RGS17: variants seen among roughly 807,000 people sequenced by gnomAD.
RGS17 encodes the protein regulator of G-protein signaling 17.
A neutral mutation model predicts 25.5 loss-of-function variants in RGS17; 12 were observed. That is an observed-to-expected ratio of 0.47 (90% confidence interval 0.30 to 0.76). The LOEUF (loss-of-function observed/expected upper bound fraction) is 0.76, where lower values mean the gene tolerates loss of function less well. Among genes scored for constraint, RGS17 ranks in the 30% least tolerant of loss-of-function variants. The pLI, the probability that RGS17 is intolerant of heterozygous loss-of-function variation, is 0.07. For missense variants in RGS17, 196 were observed against 242.2 expected, an observed-to-expected ratio of 0.81 and a Z score of 1.27; for synonymous variants, 71 against 76.9, an observed-to-expected ratio of 0.92 and a Z score of 0.40.
Position 153,059,943 on chromosome 6 carries a change from A to G in RGS17, c.-25-15900T>C, listed in dbSNP as rs535452859. ...TCCACCATCTGGGAGGTTGTTAGAA[A>G]TGAGGATCTCAAGCCCCACTTGAGG... is the stretch of plus-strand genomic sequence containing the variant. On this transcript the variant is annotated intron_variant, in intron 1 of 4. Coordinates refer to ENST00000206262, the MANE Select transcript of RGS17 (RefSeq NM_012419.5). Among the ~76,000 whole-genome samples the G allele has an allele frequency of 3.9e-5, 6 of 152,294 alleles. No homozygotes were observed. In the South Asian group the frequency reaches 1.2e-3, roughly 32 times the overall value.
At chr6:153,114,445 T>C (rs563191514) in intron 1 of RGS17, among the ~76,000 whole-genome samples, 1 of 152,188 alleles carries the variant, frequency 6.6e-6, no homozygotes, top group South Asian at 2.1e-4. Flanking sequence ...ATTAATAGCC[T>C]ACCAACCAAA....
chr6:153,093,113 A>AT (rs1433492635), intron 1 of RGS17, among the ~76,000 whole-genome samples: 2 of 152,198 alleles, frequency 1.3e-5, no homozygotes, highest in African/African-American at 4.8e-5. Context: ...ACATTCTTTT[A>AT]TTTTTTAAGA....
intron 4 of RGS17, among the ~76,000 whole-genome samples, chr6:153,012,994 A>G (rs12204251): frequency 0.12 from 18,776 of 152,060 alleles, 1,195 homozygotes; most frequent in South Asian, 0.21. Context: ...GGAGATGGCA[A>G]TCCAGACTAC....
intron 1 of RGS17, among the ~76,000 whole-genome samples, chr6:153,121,897 C>T (rs1777637390): frequency 6.6e-6 from 1 of 152,096 alleles, no homozygotes; most frequent in South Asian, 2.1e-4. Flanking sequence ...TAATGGAATT[C>T]TACCTTACGA....
intron 1 of RGS17, among the ~76,000 whole-genome samples, chr6:153,060,192 T>C (rs1386314453): frequency 6.6e-6 from 1 of 152,192 alleles, no homozygotes; most frequent in East Asian, 1.9e-4. Flanking sequence ...GAGAAAAGAT[T>C]AAGGGCTTGT....
intron 1 of RGS17, among the ~76,000 whole-genome samples, chr6:153,101,516 T>C (rs1481049733): frequency 6.6e-6 from 1 of 152,212 alleles, no homozygotes; most frequent in East Asian, 1.9e-4. Flanking sequence ...ACGGAAGAAT[T>C]CCTTCATAAA....
At chr6:153,037,045 T>C (rs1403694278) in intron 2 of RGS17, among the ~76,000 whole-genome samples, 1 of 152,210 alleles carries the variant, frequency 6.6e-6, no homozygotes. Context: ...TTATTTGTCA[T>C]TGCCTATCTC....
chr6:153,061,642 T>G (rs1041070584), intron 1 of RGS17, among the ~76,000 whole-genome samples: 1 of 152,178 alleles, frequency 6.6e-6, no homozygotes, highest in Non-Finnish European at 1.5e-5. Flanking sequence ...CTGTGGAAAT[T>G]CAATACAAGA....
At chr6:153,056,838 CTGTGTGTGTGTGTG>C (rs59058708) in intron 1 of RGS17, among the ~76,000 whole-genome samples, 2,239 of 144,410 alleles carry the variant, frequency 0.016, 27 homozygotes, top group African/African-American at 0.036. Context: ...AGAGGAAGGG[CTGTGTGTGTGTGTG>C]TGTGTGTGTG....
chr6:153,072,004 C>T (rs1162003339), intron 1 of RGS17, among the ~76,000 whole-genome samples: 1 of 152,118 alleles, frequency 6.6e-6, no homozygotes, highest in Non-Finnish European at 1.5e-5. Flanking sequence ...ACATAGTGAG[C>T]TGTCAATTGA....
intron 1 of RGS17, among the ~76,000 whole-genome samples, chr6:153,122,640 G>A (rs984760501): frequency 1.3e-5 from 2 of 151,876 alleles, no homozygotes; most frequent in Non-Finnish European, 2.9e-5. Flanking sequence ...TTTTTTGTTT[G>A]TTTGTTTTTT....
At chr6:153,076,729 T>C (rs188364003) in intron 1 of RGS17, among the ~76,000 whole-genome samples, 47 of 152,244 alleles carry the variant, frequency 3.1e-4, no homozygotes, top group African/African-American at 1.0e-3. Flanking sequence ...ACAAATAATA[T>C]ATGCAATAGA....
At chr6:153,054,188 C>T (rs1206771034) in intron 1 of RGS17, among the ~76,000 whole-genome samples, 1 of 143,486 alleles carries the variant, frequency 7.0e-6, no homozygotes, top group African/African-American at 2.6e-5. Context: ...TGCAGAAAGA[C>T]TCAAAAACTT....
chr6:153,078,520 T>C (rs6901945), intron 1 of RGS17, among the ~76,000 whole-genome samples: 79,152 of 151,660 alleles, frequency 0.52, 21,104 homozygotes, highest in Non-Finnish European at 0.57. Flanking sequence ...ACTTATAAAA[T>C]ACAATAGGGT....
chr6:153,112,865 C>T (rs141100891), intron 1 of RGS17, among the ~76,000 whole-genome samples: 59 of 152,276 alleles, frequency 3.9e-4, no homozygotes, highest in African/African-American at 9.6e-4. Flanking sequence ...TACAGACAAG[C>T]AAATGCTGAG....
chr6:153,085,486 C>T (rs191191232), intron 1 of RGS17, among the ~76,000 whole-genome samples: 1 of 152,318 alleles, frequency 6.6e-6, no homozygotes, highest in African/African-American at 2.4e-5. Flanking sequence ...CAGCTCAGTA[C>T]TGCTCAAAGT....
chr6:153,118,839 T>C (rs1409826000), intron 1 of RGS17, among the ~76,000 whole-genome samples: 2 of 152,212 alleles, frequency 1.3e-5, no homozygotes, highest in East Asian at 1.9e-4. Context: ...CATAACTCAC[T>C]GATCTTCTTT....
At chr6:153,039,712 A>G (rs909457933) in intron 2 of RGS17, among the ~76,000 whole-genome samples, 5 of 152,270 alleles carry the variant, frequency 3.3e-5, no homozygotes, top group African/African-American at 1.2e-4. Flanking sequence ...CTTTAAGCTC[A>G]TAATAAACTT....
intron 1 of RGS17, among the ~76,000 whole-genome samples, chr6:153,104,959 G>C (rs963982277): frequency 3.3e-5 from 5 of 152,190 alleles, no homozygotes; most frequent in Non-Finnish European, 7.3e-5. Flanking sequence ...AAAATGGCCT[G>C]GTTGTGAATG....
Sources: allele counts gnomAD v4.1 joint callset (sites outside exome capture counted in the v4.1 genomes callset), GRCh38; gene constraint gnomAD v4.1.1; transcripts MANE v1.5; gene names NCBI Gene and HGNC (gene_info 2026-07-23, HGNC 2026-07-21).